PPA1: variants seen among roughly 807,000 people sequenced by gnomAD.
PPA1 encodes the protein inorganic pyrophosphatase 1, also known as inorganic pyrophosphatase.
PPA1 carries 23 observed loss-of-function variants against 41.8 expected under a neutral mutation model. The ratio of observed to expected loss-of-function variants is 0.55; its 90% CI spans 0.40 to 0.78. The LOEUF (loss-of-function observed/expected upper bound fraction) is 0.78, where lower values mean the gene tolerates loss of function less well. Among genes scored for constraint, PPA1 ranks in the 30% least tolerant of loss-of-function variants. PPA1 has a pLI of 0.00. For missense variants in PPA1, 320 were observed against 361.6 expected (o/e 0.89, Z 0.93); for synonymous variants, 101 against 116.8 (o/e 0.86, Z 0.87).
intron 1 of PPA1, among the ~76,000 whole-genome samples, chr10:70,230,772 G>A (rs928953582): frequency 6.6e-5 from 10 of 152,092 alleles, no homozygotes; most frequent in African/African-American, 1.9e-4. Context: ...CCCTGCACCC[G>A]ACCAGTACAC....
At chr10:70,209,423 G>T in intron 7 of PPA1, 133 bp from the exon 8 acceptor site, 1 of 1,315,840 alleles carries the variant, frequency 7.6e-7, no homozygotes, top group Non-Finnish European at 1.0e-6. Context: ...GAATATTAAA[G>T]TGAATAAATA....
intron 5 of PPA1, 71 bp from the exon 6 acceptor site, chr10:70,213,660 A>C: frequency 2.0e-6 from 3 of 1,496,082 alleles, no homozygotes; most frequent in Non-Finnish European, 2.7e-6. Context: ...TACTTGGCTA[A>C]CAGGAAATAA....
chr10:70,222,680 T>C (rs1035128455), intron 2 of PPA1, among the ~76,000 whole-genome samples: 1 of 152,194 alleles, frequency 6.6e-6, no homozygotes, highest in African/African-American at 2.4e-5. Flanking sequence ...AGCACACTTT[T>C]TTTTTATTAT....
In PPA1 at chr10:70,209,300, G is replaced by T; in HGVS notation, c.640-10C>A. On this transcript the variant is annotated splice_polypyrimidine_tract_variant and intron_variant, in intron 7 of 10. Transcript: ENST00000373232. ...TATCAATGGCAAAGTCCTATAATTT[G>T]AAGAGGTTTGCATTACAATGATAAA... is the stretch of plus-strand genomic sequence containing the variant. The T allele has an allele frequency of 6.4e-7, 1 of 1,552,440 alleles. No homozygotes were observed. The highest frequency in any genetic ancestry group is 1.1e-5 in the South Asian group (1 of 89,290).
At chr10:70,216,366 A>G (rs994231535) in intron 4 of PPA1, among the ~76,000 whole-genome samples, 2 of 152,104 alleles carry the variant, frequency 1.3e-5, no homozygotes, top group African/African-American at 2.4e-5. Flanking sequence ...AGGCGCCTGT[A>G]ATCCCAGCTA....
chr10:70,209,705 A>C lies in PPA1; in HGVS notation c.512-20T>G. On this transcript the variant is annotated intron_variant, in intron 6 of 10. Transcript: ENST00000373232. ...TGATATCTAAGAAGAGAAGAAGCATAAGATGACAGTGAGAATGATTTTTTT... is the reference window on the plus strand; with the variant it reads ...TGATATCTAAGAAGAGAAGAAGCATCAGATGACAGTGAGAATGATTTTTTT... 6.4e-7 allele frequency: 1 copy of C among 1,567,692 alleles called. No homozygotes were observed. The highest frequency in any genetic ancestry group is 8.7e-7 in the Non-Finnish European group (1 of 1,152,212).
intron 5 of PPA1, 72 bp downstream of exon 5, chr10:70,214,428 T>A (rs920871685): frequency 1.6e-6 from 2 of 1,246,808 alleles, no homozygotes; most frequent in African/African-American, 3.0e-5. Flanking sequence ...TCACAGTATT[T>A]TTTAAAGTAT....
intron 2 of PPA1, among the ~76,000 whole-genome samples, chr10:70,222,493 T>C (rs920797182): frequency 5.3e-5 from 8 of 152,050 alleles, no homozygotes; most frequent in African/African-American, 1.7e-4. Context: ...AGACTAGCAA[T>C]GAACAAAATA....
chr10:70,216,381 A>T (rs10823495), intron 4 of PPA1, among the ~76,000 whole-genome samples: 14 of 151,806 alleles, frequency 9.2e-5, no homozygotes, highest in Non-Finnish European at 8.8e-5. Flanking sequence ...CAGCTACACA[A>T]GAGGCTGAGA....
At chr10:70,216,174 T>A (rs1210095808) in intron 4 of PPA1, among the ~76,000 whole-genome samples, 1 of 152,088 alleles carries the variant, frequency 6.6e-6, no homozygotes, top group Non-Finnish European at 1.5e-5. Flanking sequence ...GGATGATATA[T>A]CAAGGCTAAA....
intron 2 of PPA1, among the ~76,000 whole-genome samples, chr10:70,222,076 C>T (rs1840176836): frequency 6.6e-6 from 1 of 151,936 alleles, no homozygotes; most frequent in Admixed American, 6.6e-5. Flanking sequence ...TGGCTCACAC[C>T]TGTAATCATA....
At chr10:70,231,338 A>C (rs747675548) in intron 1 of PPA1, among the ~76,000 whole-genome samples, 19 of 152,342 alleles carry the variant, frequency 1.2e-4, no homozygotes, top group Admixed American at 3.3e-4. Context: ...AGGCCAAAGC[A>C]GGTGGATCAC....
chr10:70,204,857 G>C lies in PPA1; in HGVS notation c.838+16C>G, dbSNP rs1194994052. ...GTGTAATGTTTAATGAAATTTTACT[G>C]GAATAGAAATCTTACCGTCTGTTGG... On this transcript the variant is annotated intron_variant, in intron 10 of 10. Transcript: ENST00000373232. 1.3e-6 allele frequency: 2 copies of C among 1,567,862 alleles called. No individual in the cohort carries two copies.
intron 2 of PPA1, among the ~76,000 whole-genome samples, chr10:70,229,211 T>G (rs1840261972): frequency 6.6e-6 from 1 of 152,230 alleles, no homozygotes; most frequent in Non-Finnish European, 1.5e-5. Context: ...TGTAAAAAGA[T>G]TAGACAATAT....
intron 6 of PPA1, 65 bp downstream of exon 6, chr10:70,213,398 T>C (rs1840043979): frequency 3.2e-6 from 5 of 1,573,368 alleles, no homozygotes; most frequent in African/African-American, 1.4e-5. Context: ...TCTGTCATTA[T>C]AGGTTAAGTA....
chr10:70,209,723 A>AT (rs755458482), intron 6 of PPA1, 38 bp from the exon 7 acceptor site: 4 of 1,539,896 alleles, frequency 2.6e-6, no homozygotes, highest in South Asian at 1.2e-5. Flanking sequence ...AGTGAGAATG[A>AT]TTTTTTTAAA....
chr10:70,218,226 C>A (rs1334698239), intron 3 of PPA1, among the ~76,000 whole-genome samples: 1 of 152,130 alleles, frequency 6.6e-6, no homozygotes, highest in Admixed American at 6.5e-5. Context: ...AAAAATACCA[C>A]AATTTTTATT....
At chr10:70,228,360 C>T (rs10999197) in intron 2 of PPA1, among the ~76,000 whole-genome samples, 6,882 of 152,222 alleles carry the variant, frequency 0.045, 339 homozygotes, top group African/African-American at 0.12. Context: ...GGTAGGAATA[C>T]AGTCACTTAG....
At chr10:70,221,557 C>G (rs954905242) in intron 2 of PPA1, among the ~76,000 whole-genome samples, 14 of 152,148 alleles carry the variant, frequency 9.2e-5, no homozygotes, top group African/African-American at 3.4e-4. Flanking sequence ...TAGAAAACCT[C>G]AGAACCAATC....
Sources: gnomAD v4.1 joint callset for allele counts (sites outside exome capture counted in the v4.1 genomes callset) on GRCh38, gnomAD v4.1.1 for gene constraint, MANE v1.5 for transcripts, NCBI Gene and HGNC (gene_info 2026-07-23, HGNC 2026-07-21) for gene names.